The following CD5 variants were observed in gnomAD, a reference collection of about 807,000 sequenced individuals.
CD5 encodes the protein CD5 molecule.
Under a neutral mutation model 60.3 loss-of-function variants are expected in CD5, and 36 were observed. The ratio of observed to expected loss-of-function variants is 0.60; its 90% confidence interval spans 0.46 to 0.79. The LOEUF (loss-of-function observed/expected upper bound fraction) is 0.79, where lower values mean the gene tolerates loss of function less well. Ranked by LOEUF, CD5 falls within the 30% of genes least tolerant of loss-of-function variation. The probability of loss-of-function intolerance (pLI) is 0.00; values close to 1 mark genes in which losing one functional copy is unlikely to be tolerated. For synonymous variants in CD5, 230 were observed against 257.6 expected, an observed-to-expected ratio of 0.89 and a Z score of 1.03; for missense variants, 540 against 630.6, an observed-to-expected ratio of 0.86 and a Z score of 1.54.
chr11:61,104,217 C>T (rs894312529), intron 1 of CD5, among the ~76,000 whole-genome samples: 2 of 152,070 alleles, frequency 1.3e-5, no homozygotes, highest in African/African-American at 4.8e-5. Flanking sequence ...GAGCACAATG[C>T]GGCCTCCAAA....
In CD5 at chr11:61,119,578, A is replaced by G. The variant is rs533565775; in HGVS notation, c.805+3A>G. 1.5e-4 allele frequency: 240 copies of G among 1,601,020 alleles called. 1 individual carries two copies. In the South Asian group the frequency reaches 2.6e-3, roughly 17 times the overall value. On this transcript the variant is annotated splice_donor_region_variant and intron_variant, in intron 5 of 10. Transcript: ENST00000347785. ...AGTTCTTGCCCTCCTTTGCTCAGGTAAGTGAGACCTGGCCAAGCCCCATGA... is the reference window on the plus strand; with the variant it reads ...AGTTCTTGCCCTCCTTTGCTCAGGTGAGTGAGACCTGGCCAAGCCCCATGA...
Position 61,118,314 on chromosome 11 carries a change from A to G in CD5, c.234A>G (p.Ser78=). 3 of 1,614,276 alleles carry G rather than the reference A, an allele frequency of 1.9e-6. No homozygotes were observed. The highest frequency in any genetic ancestry group is 2.5e-6 in the Non-Finnish European group (3 of 1,180,052). ...SKQWEDPSQA[S]KVCQRLNCGV... Reference sequence around the variant, plus strand: ...AGTGGGAGGACCCCAGTCAAGCGTCAAAAGTCTGCCAGCGGCTGAACTGTG... The same window carrying G: ...AGTGGGAGGACCCCAGTCAAGCGTCGAAAGTCTGCCAGCGGCTGAACTGTG... The change falls in exon 3 of 11, where the codon TCA becomes TCG. Residue 78 remains serine, a synonymous_variant. Transcript: ENST00000347785. The surrounding 1 kb of genome is among the most constrained non-coding windows in gnomAD (Gnocchi z 4.7).
intron 1 of CD5, among the ~76,000 whole-genome samples, chr11:61,108,061 C>T (rs917758806): frequency 3.9e-5 from 6 of 152,226 alleles, no homozygotes; most frequent in Non-Finnish European, 1.5e-5. Context: ...GGGCAAGTCA[C>T]TCAGCCTCTC....
chr11:61,119,179 C>T, intron 4 of CD5, 55 bp from the exon 5 acceptor site: 1 of 1,483,772 alleles, frequency 6.7e-7, no homozygotes. Context: ...CAAGGAGTGC[C>T]CAGGAAGCCC....
At chr11:61,095,739 CA>C in the CD5 span, among the ~76,000 whole-genome samples, 1 of 152,096 alleles carries the variant, frequency 6.6e-6, no homozygotes, top group South Asian at 2.1e-4. Flanking sequence ...GAAAGGGGCT[CA>C]AAAGGCTACA....
chr11:61,125,288 T>C, intron 9 of CD5, 137 bp downstream of exon 9: 1 of 940,462 alleles, frequency 1.1e-6, no homozygotes, highest in Non-Finnish European at 1.6e-6. Context: ...GGATCAAACA[T>C]CGCAGGATGC....
intron 1 of CD5, among the ~76,000 whole-genome samples, chr11:61,114,286 T>C (rs1355950078): frequency 6.6e-6 from 1 of 152,106 alleles, no homozygotes; most frequent in South Asian, 2.1e-4. Context: ...CTCTCTATTC[T>C]ACTCCATTTC....
intron 10 of CD5, 136 bp downstream of exon 10, chr11:61,125,977 T>TGA: frequency 2.1e-6 from 1 of 482,302 alleles, no homozygotes; most frequent in Non-Finnish European, 3.7e-6. Context: ...TCTTGATTCT[T>TGA]GTAAAGGGAA....
upstream of CD5, among the ~76,000 whole-genome samples, chr11:61,101,772 TCACA>T (rs1167451830): frequency 7.1e-6 from 1 of 141,108 alleles, no homozygotes; most frequent in Admixed American, 7.0e-5. Context: ...AACATGGAGT[TCACA>T]CACACATCAA....
chr11:61,111,940 T>C (rs945673236), intron 1 of CD5, among the ~76,000 whole-genome samples: 8 of 152,208 alleles, frequency 5.3e-5, no homozygotes, highest in Non-Finnish European at 8.8e-5. Context: ...CTCATCCTCA[T>C]GCTATGAGTG....
At chr11:61,114,272 C>T (rs764561838) in intron 1 of CD5, among the ~76,000 whole-genome samples, 23 of 152,102 alleles carry the variant, frequency 1.5e-4, no homozygotes, top group Non-Finnish European at 3.1e-4. Flanking sequence ...CCACCGTGCA[C>T]GGCCTCTCTA....
chr11:61,118,178 T>C lies in CD5; in HGVS notation c.98T>C (p.Phe33Ser). Residue 33 changes from phenylalanine to serine, a missense_variant, in exon 3 of 11, where the codon TTC becomes TCC. Physicochemically the swap from Phe to Ser is radical, Grantham distance 155 (BLOSUM62 -2). Coordinates refer to ENST00000347785, the MANE Select transcript of CD5 (RefSeq NM_014207.4). The surrounding 1 kb of genome is among the most constrained non-coding windows in gnomAD (Gnocchi z 4.7). ...ACCACACCTTTCTGACCCCCAGATT[T>C]CCAGGCAAGGCTCACCCGTTCCAAC... is the stretch of plus-strand genomic sequence containing the variant. ...LGRLSWYDPDFQARLTRSNSK... is the reference protein window; with the variant it reads ...LGRLSWYDPDSQARLTRSNSK... The C allele has an allele frequency of 6.2e-7, 1 of 1,611,988 alleles. No homozygotes were observed.
intron 1 of CD5, among the ~76,000 whole-genome samples, chr11:61,111,846 C>G (rs1487063280): frequency 6.6e-6 from 1 of 152,250 alleles, no homozygotes; most frequent in African/African-American, 2.4e-5. Context: ...GCTCTGAGCA[C>G]TAGGCCAGGA....
At chr11:61,099,455 T>TCA (rs1860626977), upstream of CD5, among the ~76,000 whole-genome samples, 7 of 119,220 alleles carry the variant, frequency 5.9e-5, no homozygotes, top group African/African-American at 1.7e-4. Flanking sequence ...AACATGGAGA[T>TCA]TACACATACA....
In CD5 at chr11:61,118,372, A is replaced by T. The variant is rs749160317; in HGVS notation, c.292A>T (p.Thr98Ser). The change falls in exon 3 of 11, where the codon ACC becomes TCC. Residue 98 changes from threonine (T) to serine (S), a missense_variant. Transcript: ENST00000347785. This position sits in a 1 kb window ranked among gnomAD's most constrained non-coding sequence, Gnocchi z 4.7. ...VPLSLGPFLV[T>S]YTPQSSIICY... Reference sequence around the variant, plus strand: ...CTTAAGCCTTGGCCCCTTCCTTGTCACCTACACACCTCAGAGCTCAATCAT... The same window carrying T: ...CTTAAGCCTTGGCCCCTTCCTTGTCTCCTACACACCTCAGAGCTCAATCAT... The T allele has an allele frequency of 1.2e-6, 2 of 1,614,064 alleles. No homozygotes were observed. The highest frequency in any genetic ancestry group is 2.7e-5 in the African/African-American group (2 of 74,910).
rs1286338562 is a variant in CD5 at position 61,118,899 on chromosome 11, G to C, written c.401-16G>C. 1 of 1,610,386 alleles carries C rather than the reference G, an allele frequency of 6.2e-7. No individual in the cohort carries two copies. Among genetic ancestry groups the C allele is most frequent in the Non-Finnish European group, 8.5e-7 (1 of 1,176,982 alleles). On this transcript the variant is annotated splice_polypyrimidine_tract_variant and intron_variant, in intron 3 of 10. Coordinates refer to ENST00000347785, the MANE Select transcript of CD5 (RefSeq NM_014207.4). This position sits in a 1 kb window ranked among gnomAD's most constrained non-coding sequence, Gnocchi z 4.7. ...CACACCACCCATTCCTCCCTCACCA[G>C]AGTGTCTCATTGCAGAACCCCAGAA...
upstream of CD5, chr11:61,102,487 G>T (rs925089345): frequency 3.8e-6 from 4 of 1,053,606 alleles, no homozygotes; most frequent in Non-Finnish European, 5.6e-6. Flanking sequence ...CTCTCTGAGA[G>T]CGAGATACCC....
intron 1 of CD5, among the ~76,000 whole-genome samples, chr11:61,105,250 C>T (rs928406234): frequency 3.3e-5 from 5 of 152,232 alleles, no homozygotes; most frequent in Non-Finnish European, 5.9e-5. Flanking sequence ...GGCGGGGAAG[C>T]GGCTCTAACA....
Position 61,123,045 on chromosome 11 carries a change from G to T in CD5, c.1225+13G>T. 6.3e-7 allele frequency: 1 copy of T among 1,599,948 alleles called. No individual in the cohort carries two copies. Among genetic ancestry groups the T allele is most frequent in the Non-Finnish European group, 8.5e-7 (1 of 1,172,664 alleles). ...CTAGTGAAGAAATGTAGGTGTCACG[G>T]CCCTGAGTGGCTCCGTTCCCACGTG... On this transcript the variant is annotated intron_variant, in intron 7 of 10. Coordinates refer to ENST00000347785, the MANE Select transcript of CD5 (RefSeq NM_014207.4).
Sources: gnomAD v4.1 joint callset for allele counts (sites outside exome capture counted in the v4.1 genomes callset) on GRCh38, gnomAD v4.1.1 for gene constraint, Gnocchi (gnomAD v3.1) non-coding constraint, MANE v1.5 for transcripts, NCBI Gene and HGNC (gene_info 2026-07-23, HGNC 2026-07-21) for gene names.